Variants in SPAG16 observed in about 807,000 individuals in gnomAD.
The protein encoded by SPAG16 is sperm associated antigen 16, also known as sperm-associated antigen 16 protein.
Under a neutral mutation model 80.4 loss-of-function variants are expected in SPAG16, and 86 were observed. The observed-to-expected ratio is 1.07, with a 90% CI of 0.90 to 1.28. The LOEUF is 1.28. Ranked by LOEUF, SPAG16 falls within the 50% of genes most tolerant of loss-of-function variation. The pLI is 0.00. For missense variants in SPAG16, 870 were observed against 765.3 expected (o/e 1.14, Z -1.61); for synonymous variants, 294 against 265.9 (o/e 1.11, Z -1.03).
intron 13 of SPAG16, among the ~76,000 whole-genome samples, chr2:214,076,083 T>A (rs192020476): frequency 6.6e-6 from 1 of 152,294 alleles, no homozygotes; most frequent in East Asian, 1.9e-4. Context: ...GAGTATATAT[T>A]TAAATGCAGA....
intron 3 of SPAG16, among the ~76,000 whole-genome samples, chr2:213,307,239 T>A (rs1019399671): frequency 4.0e-5 from 6 of 150,576 alleles, no homozygotes; most frequent in Non-Finnish European, 8.9e-5. Context: ...AGTTTTAGGG[T>A]ACATGTGCAC....
chr2:213,828,645 G>C (rs970696982), intron 10 of SPAG16, among the ~76,000 whole-genome samples: 3 of 152,134 alleles, frequency 2.0e-5, no homozygotes, highest in Non-Finnish European at 4.4e-5. Context: ...AGTCTGGGTT[G>C]GTTTGTACCT....
At chr2:213,818,800 T>C (rs1004575697) in intron 10 of SPAG16, among the ~76,000 whole-genome samples, 1 of 152,152 alleles carries the variant, frequency 6.6e-6, no homozygotes, top group Non-Finnish European at 1.5e-5. Flanking sequence ...TCATGAGATC[T>C]GATGGTTTAA....
At position 213,484,880 on chromosome 2, in the gene SPAG16, A is replaced by G. The variant is rs76373286; in HGVS notation, c.943-5083A>G. Among the ~76,000 whole-genome samples the G allele has an allele frequency of 8.7e-3, 1,322 of 152,278 alleles. 21 individuals are homozygous for G. The highest frequency in any genetic ancestry group is 0.03 in the African/African-American group (1,234 of 41,564). Reference sequence around the variant, plus strand: ...ATCTATACTAATAAGACCTTGCTTTATATCTCTGAATAAAGTGTAGTTTCT... The same window carrying G: ...ATCTATACTAATAAGACCTTGCTTTGTATCTCTGAATAAAGTGTAGTTTCT... On this transcript the variant is annotated intron_variant, in intron 9 of 15. Coordinates refer to ENST00000331683, the MANE Select transcript of SPAG16 (RefSeq NM_024532.5).
intron 14 of SPAG16, among the ~76,000 whole-genome samples, chr2:214,140,208 T>C (rs999137587): frequency 6.6e-6 from 1 of 150,376 alleles, no homozygotes; most frequent in Non-Finnish European, 1.5e-5. Flanking sequence ...TTCTCTCTCT[T>C]TTTTTTTTGT....
At chr2:213,688,965 G>A (rs2064814661) in intron 10 of SPAG16, among the ~76,000 whole-genome samples, 1 of 151,978 alleles carries the variant, frequency 6.6e-6, no homozygotes, top group African/African-American at 2.4e-5. Flanking sequence ...GACTTAAAAT[G>A]TTCTCTTTTT....
At chr2:213,989,362 T>G (rs1172380424) in intron 12 of SPAG16, among the ~76,000 whole-genome samples, 1 of 152,140 alleles carries the variant, frequency 6.6e-6, no homozygotes, top group African/African-American at 2.4e-5. Context: ...ACTAACTCAG[T>G]TTGCGGAATG....
At chr2:214,167,885 G>A (rs2056722032) in intron 15 of SPAG16, among the ~76,000 whole-genome samples, 2 of 150,686 alleles carry the variant, frequency 1.3e-5, no homozygotes, top group Non-Finnish European at 3.0e-5. Flanking sequence ...GACACTGACT[G>A]GTTTTGAATC....
intron 13 of SPAG16, among the ~76,000 whole-genome samples, chr2:214,027,318 C>G (rs1247937127): frequency 1.3e-5 from 2 of 151,410 alleles, no homozygotes; most frequent in Non-Finnish European, 3.0e-5. Flanking sequence ...TATAAGCATT[C>G]TCATTCTTAT....
intron 10 of SPAG16, among the ~76,000 whole-genome samples, chr2:213,644,955 T>C (rs1481287931): frequency 1.3e-5 from 2 of 152,214 alleles, no homozygotes; most frequent in African/African-American, 4.8e-5. Context: ...GCGATGTCCC[T>C]CAGGCCCTGG....
chr2:213,469,297 C>A (rs2072934189), intron 9 of SPAG16, among the ~76,000 whole-genome samples: 2 of 152,172 alleles, frequency 1.3e-5, no homozygotes, highest in Admixed American at 1.3e-4. Flanking sequence ...AACCCAAATA[C>A]TATTACATAA....
At chr2:214,121,176 A>G (rs1441171075) in intron 14 of SPAG16, among the ~76,000 whole-genome samples, 2 of 151,854 alleles carry the variant, frequency 1.3e-5, no homozygotes, top group Admixed American at 6.6e-5. Context: ...TATGTAGCAT[A>G]GTTTGTTTTA....
chr2:213,910,613 C>T lies in SPAG16; in HGVS notation c.1215-19347C>T, dbSNP rs536703362. On this transcript the variant is annotated intron_variant, in intron 11 of 15. Transcript: ENST00000331683. Reference sequence around the variant, plus strand: ...ACGCCATTCTCCTGCCTCAGCCTCCCGAGTAGCTGGGACTACAGGCGCCCG... The same window carrying T: ...ACGCCATTCTCCTGCCTCAGCCTCCTGAGTAGCTGGGACTACAGGCGCCCG... Among the ~76,000 whole-genome samples, 296 of 81,120 alleles carry T rather than the reference C, an allele frequency of 3.6e-3. 64 individuals carry two copies. Among genetic ancestry groups the T allele is most frequent in the African/African-American group, 9.1e-3 (287 of 31,518 alleles). The allele number at this position is 81,120 out of a possible 152,430, so 53.2% of individuals were successfully genotyped here. A position where few individuals can be genotyped will look rare whatever the true frequency, so the allele number is the denominator to read the frequency against.
intron 12 of SPAG16, among the ~76,000 whole-genome samples, chr2:213,994,396 G>A (rs2046420063): frequency 6.6e-6 from 1 of 152,084 alleles, no homozygotes; most frequent in Non-Finnish European, 1.5e-5. Flanking sequence ...GTGGAGGTGA[G>A]ATAACAGATT....
chr2:214,394,218 C>A (rs983325170), intron 15 of SPAG16, among the ~76,000 whole-genome samples: 2 of 152,044 alleles, frequency 1.3e-5, no homozygotes, highest in African/African-American at 4.8e-5. Context: ...TTTTCTCTCT[C>A]TCTTTCTAAG....
intron 12 of SPAG16, among the ~76,000 whole-genome samples, chr2:213,951,170 G>A (rs1454795413): frequency 6.6e-6 from 1 of 151,950 alleles, no homozygotes; most frequent in Non-Finnish European, 1.5e-5. Flanking sequence ...TGAAATTCAG[G>A]ATTTCATAAT....
chr2:213,817,894 C>CA (rs1478225069), intron 10 of SPAG16, among the ~76,000 whole-genome samples: 3 of 152,090 alleles, frequency 2.0e-5, no homozygotes, highest in Admixed American at 1.3e-4. Flanking sequence ...GTGGTGTGAT[C>CA]AGTTGTACCC....
intron 10 of SPAG16, among the ~76,000 whole-genome samples, chr2:213,808,004 G>A (rs2071878343): frequency 6.6e-6 from 1 of 152,116 alleles, no homozygotes; most frequent in South Asian, 2.1e-4. Flanking sequence ...ATGCAATACA[G>A]ACTCACTTTA....
At chr2:213,527,505 A>G (rs1301490035) in intron 10 of SPAG16, among the ~76,000 whole-genome samples, 1 of 152,174 alleles carries the variant, frequency 6.6e-6, no homozygotes, top group Non-Finnish European at 1.5e-5. Context: ...TATTCTTTAA[A>G]TCACAACTTC....
Sources: allele counts gnomAD v4.1 joint callset (sites outside exome capture counted in the v4.1 genomes callset), GRCh38; gene constraint gnomAD v4.1.1; transcripts MANE v1.5; gene names NCBI Gene and HGNC (gene_info 2026-07-23, HGNC 2026-07-21).